Variants in CACNA2D1 observed in about 807,000 individuals in gnomAD.
CACNA2D1 encodes the protein calcium voltage-gated channel auxiliary subunit alpha2delta 1, also known as voltage-dependent calcium channel subunit alpha-2/delta-1.
A neutral mutation model predicts 171.5 loss-of-function variants in CACNA2D1; 53 were observed. That is an observed-to-expected ratio of 0.31 (90% CI 0.25 to 0.39). The LOEUF is 0.39. Ranked by LOEUF, CACNA2D1 falls within the 10% of genes least tolerant of loss-of-function variation. CACNA2D1 has a pLI of 1.00. For synonymous variants in CACNA2D1, 442 were observed against 443.1 expected, an observed-to-expected ratio of 1.00 and a Z score of 0.03; for missense variants, 903 against 1,299.8, an observed-to-expected ratio of 0.69 and a Z score of 4.69.
chr7:81,964,398 A>T, intron 32 of CACNA2D1, 39 bp from the exon 33 acceptor site: 1 of 1,558,082 alleles, frequency 6.4e-7, no homozygotes, highest in Non-Finnish European at 8.8e-7. Context: ...GTGCACTTAA[A>T]ATGTAAGCCA....
At chr7:82,221,210 C>T (rs1285621413) in intron 3 of CACNA2D1, among the ~76,000 whole-genome samples, 40 of 151,996 alleles carry the variant, frequency 2.6e-4, no homozygotes, top group Non-Finnish European at 5.9e-5. Context: ...TACACACATG[C>T]ATGATTTGTA....
At chr7:82,432,709 C>T (rs2129458985) in intron 1 of CACNA2D1, among the ~76,000 whole-genome samples, 1 of 152,306 alleles carries the variant, frequency 6.6e-6, no homozygotes, top group South Asian at 2.1e-4. Context: ...ACCAAAACTT[C>T]TCCCTTCTAC....
At chr7:81,990,121 G>C (rs1486924161) in intron 21 of CACNA2D1, among the ~76,000 whole-genome samples, 3 of 152,146 alleles carry the variant, frequency 2.0e-5, no homozygotes, top group Non-Finnish European at 4.4e-5. Flanking sequence ...AAAAGTAACA[G>C]AGCCCAGGTA....
chr7:82,244,333 C>T (rs1028307204), intron 3 of CACNA2D1, among the ~76,000 whole-genome samples: 10 of 151,954 alleles, frequency 6.6e-5, no homozygotes, highest in Non-Finnish European at 1.5e-4. Flanking sequence ...TTATCAAGGG[C>T]GTTTCTATAA....
chr7:82,151,165 C>G (rs961576851), intron 4 of CACNA2D1, among the ~76,000 whole-genome samples: 1 of 151,960 alleles, frequency 6.6e-6, no homozygotes, highest in Non-Finnish European at 1.5e-5. Context: ...CATCTCTTGT[C>G]CAAATTTAAA....
At chr7:82,105,309 G>A (rs1480524003) in intron 6 of CACNA2D1, among the ~76,000 whole-genome samples, 1 of 150,940 alleles carries the variant, frequency 6.6e-6, no homozygotes, top group East Asian at 1.9e-4. Context: ...CAAATACAGA[G>A]GATAATCAAT....
chr7:82,023,155 AT>A (rs1484640438), intron 12 of CACNA2D1, among the ~76,000 whole-genome samples: 9 of 151,754 alleles, frequency 5.9e-5, no homozygotes, highest in African/African-American at 9.7e-5. Context: ...GATAGAGTTC[AT>A]TTTAGTTTTG....
chr7:82,073,424 C>A (rs997789647), intron 7 of CACNA2D1, among the ~76,000 whole-genome samples: 1 of 152,118 alleles, frequency 6.6e-6, no homozygotes, highest in African/African-American at 2.4e-5. Context: ...ATGTAATTAA[C>A]TATTTCTCAC....
chr7:82,275,511 T>A (rs1035049192), intron 3 of CACNA2D1, among the ~76,000 whole-genome samples: 4 of 152,058 alleles, frequency 2.6e-5, no homozygotes, highest in Non-Finnish European at 4.4e-5. Flanking sequence ...CAAAAGCAGA[T>A]CTATCATTAT....
rs761439392 is a variant in CACNA2D1, at chr7:82,136,619, A to C, written c.396+16T>G. On this transcript the variant is annotated intron_variant, in intron 5 of 38. Coordinates refer to ENST00000356860, the MANE Select transcript of CACNA2D1 (RefSeq NM_000722.4). The stretch of plus-strand genomic sequence containing the variant: ...ATAATTTTCTTGGAATTTAATGGAA[A>C]ACATTTAATACTCACATCGAGATCA... 21 of 1,567,558 alleles carry C rather than the reference A, an allele frequency of 1.3e-5. No homozygotes were observed. In the African/African-American group the frequency reaches 1.9e-4, roughly 14 times the overall value.
chr7:82,053,120 C>T (rs571319952), intron 10 of CACNA2D1, among the ~76,000 whole-genome samples: 10 of 151,974 alleles, frequency 6.6e-5, no homozygotes, highest in East Asian at 1.9e-4. Context: ...GGCGTGGTGG[C>T]GGGTGCCTGT....
At chr7:82,017,129 A>G (rs946068576) in intron 12 of CACNA2D1, among the ~76,000 whole-genome samples, 4 of 152,070 alleles carry the variant, frequency 2.6e-5, no homozygotes, top group African/African-American at 9.7e-5. Flanking sequence ...ACAAACACAT[A>G]TGCACATAGG....
intron 7 of CACNA2D1, among the ~76,000 whole-genome samples, chr7:82,073,596 T>G (rs1175620657): frequency 6.6e-6 from 1 of 151,322 alleles, no homozygotes; most frequent in Non-Finnish European, 1.5e-5. Context: ...TGGTATTTTA[T>G]TTATTTTATT....
chr7:82,332,716 C>G (rs1024690250), intron 3 of CACNA2D1, among the ~76,000 whole-genome samples: 1 of 152,054 alleles, frequency 6.6e-6, no homozygotes, highest in African/African-American at 2.4e-5. Flanking sequence ...TAAGAGGAAC[C>G]AGGCGGGGTG....
intron 38 of CACNA2D1, 131 bp downstream of exon 38, chr7:81,959,144 T>C: frequency 1.4e-6 from 1 of 705,886 alleles, no homozygotes; most frequent in Non-Finnish European, 2.6e-6. Context: ...CCAGCAAGTA[T>C]GTCATGTTAA....
chr7:82,217,741 T>G (rs969467995), intron 3 of CACNA2D1, among the ~76,000 whole-genome samples: 1 of 150,996 alleles, frequency 6.6e-6, no homozygotes, highest in African/African-American at 2.4e-5. Flanking sequence ...TTATTAAAAT[T>G]CAGAATAGTT....
At chr7:82,196,336 G>T (rs3819436) in intron 3 of CACNA2D1, among the ~76,000 whole-genome samples, 12,083 of 152,012 alleles carry the variant, frequency 0.079, 1,067 homozygotes, top group East Asian at 0.21. Flanking sequence ...TATGAGGTTT[G>T]GATTTTGTCA....
intron 6 of CACNA2D1, among the ~76,000 whole-genome samples, chr7:82,085,666 C>T (rs1005551770): frequency 6.6e-6 from 1 of 151,506 alleles, no homozygotes; most frequent in Admixed American, 6.6e-5. Context: ...GACACTTTAT[C>T]ACTACCTTCA....
chr7:82,358,673 GTTT>G (rs148258535), intron 1 of CACNA2D1, among the ~76,000 whole-genome samples: 1 of 147,796 alleles, frequency 6.8e-6, no homozygotes, highest in African/African-American at 2.5e-5. Context: ...TTCATTTTCT[GTTT>G]TTTTTTTCTG....
Sources: allele counts gnomAD v4.1 joint callset (sites outside exome capture counted in the v4.1 genomes callset), GRCh38; gene constraint gnomAD v4.1.1; transcripts MANE v1.5; gene names NCBI Gene and HGNC (gene_info 2026-07-23, HGNC 2026-07-21).